The following XKR9 variants were observed in gnomAD, a reference collection of about 807,000 sequenced individuals.
The protein encoded by XKR9 is XK related 9.
In XKR9, 32 loss-of-function variants were observed where a neutral mutation model predicts 32.0. The observed-to-expected ratio is 1.00, with a 90% confidence interval of 0.76 to 1.34. The LOEUF is 1.34. Among genes scored for constraint, XKR9 ranks in the 40% most tolerant of loss-of-function variants. XKR9 has a pLI of 0.00. For missense variants in XKR9, 546 were observed against 429.7 expected, an observed-to-expected ratio of 1.27 and a Z score of -2.39; for synonymous variants, 168 against 143.4, an observed-to-expected ratio of 1.17 and a Z score of -1.22.
chr8:70,967,407 T>C, the XKR9 span, among the ~76,000 whole-genome samples: 4 of 152,228 alleles, frequency 2.6e-5, no homozygotes, highest in East Asian at 7.7e-4. Flanking sequence ...TTCTGTGTCT[T>C]TTAATTGTGG....
chr8:71,033,500 CAA>C, the XKR9 span, among the ~76,000 whole-genome samples: 1 of 152,078 alleles, frequency 6.6e-6, no homozygotes, highest in Non-Finnish European at 1.5e-5. Flanking sequence ...TTGTCCCCAT[CAA>C]AACTCATATT....
intron 3 of XKR9, among the ~76,000 whole-genome samples, chr8:70,699,410 TGTAAA>T (rs1429055935): frequency 6.6e-6 from 1 of 152,100 alleles, no homozygotes; most frequent in African/African-American, 2.4e-5. Flanking sequence ...TTTGCTTGTC[TGTAAA>T]GTATTTTATT....
chr8:70,816,566 G>T, the XKR9 span, among the ~76,000 whole-genome samples: 2 of 152,114 alleles, frequency 1.3e-5, no homozygotes, highest in Non-Finnish European at 2.9e-5. Flanking sequence ...ACATCACCAA[G>T]GCATGTAGTC....
chr8:70,889,274 A>G, the XKR9 span, among the ~76,000 whole-genome samples: 3 of 151,782 alleles, frequency 2.0e-5, no homozygotes, highest in South Asian at 6.2e-4. Context: ...GGCATATAGA[A>G]ATGCTACTGA....
the XKR9 span, among the ~76,000 whole-genome samples, chr8:70,835,113 G>C: frequency 3.3e-5 from 5 of 152,106 alleles, no homozygotes; most frequent in African/African-American, 9.7e-5. Flanking sequence ...ACCACAAGGA[G>C]GAGCTGTGGC....
chr8:70,978,431 TG>T, the XKR9 span, among the ~76,000 whole-genome samples: 1 of 152,208 alleles, frequency 6.6e-6, no homozygotes, highest in Non-Finnish European at 1.5e-5. Flanking sequence ...GCAGGCCTGG[TG>T]GTGACAAAAT....
At chr8:70,892,969 A>T in the XKR9 span, among the ~76,000 whole-genome samples, 4 of 152,110 alleles carry the variant, frequency 2.6e-5, no homozygotes, top group Admixed American at 1.3e-4. Flanking sequence ...GAACTCCCGT[A>T]ATACCAACAT....
At chr8:70,785,975 C>T (rs1586898371) in intron 2 of XKR9, among the ~76,000 whole-genome samples, 2 of 152,070 alleles carry the variant, frequency 1.3e-5, no homozygotes, top group Non-Finnish European at 2.9e-5. Flanking sequence ...AGGTGTGAGC[C>T]ACCATACCTG....
At chr8:70,691,013 T>C (rs550360334) in intron 3 of XKR9, among the ~76,000 whole-genome samples, 2 of 152,302 alleles carry the variant, frequency 1.3e-5, no homozygotes, top group South Asian at 4.1e-4. Context: ...GTTGAACTAA[T>C]TTACACTGAC....
the XKR9 span, among the ~76,000 whole-genome samples, chr8:70,956,183 G>A: frequency 2.6e-5 from 4 of 152,096 alleles, no homozygotes; most frequent in Non-Finnish European, 5.9e-5. Context: ...CTTCTCCCAC[G>A]TCCAGAAAGA....
At chr8:70,791,281 C>G (rs1425185350), downstream of XKR9, among the ~76,000 whole-genome samples, 1 of 151,008 alleles carries the variant, frequency 6.6e-6, no homozygotes, top group Non-Finnish European at 1.5e-5. Flanking sequence ...TCAAGACCAA[C>G]CTGAACAACA....
chr8:71,050,520 C>T, the XKR9 span, among the ~76,000 whole-genome samples: 35 of 151,726 alleles, frequency 2.3e-4, no homozygotes, highest in African/African-American at 7.3e-5. Context: ...GATATCTATC[C>T]GAATTAAGAC....
At chr8:71,043,172 C>T in the XKR9 span, among the ~76,000 whole-genome samples, 23 of 151,994 alleles carry the variant, frequency 1.5e-4, no homozygotes, top group African/African-American at 5.6e-4. Context: ...ATTCACTGTT[C>T]CCCCAGTGCC....
chr8:71,039,914 G>A, the XKR9 span, among the ~76,000 whole-genome samples: 1 of 152,114 alleles, frequency 6.6e-6, no homozygotes, highest in South Asian at 2.1e-4. Flanking sequence ...AAGACCACCA[G>A]GAGTGCTCTC....
intron 2 of XKR9, among the ~76,000 whole-genome samples, chr8:70,784,890 AT>A (rs879865952): frequency 0.011 from 1,639 of 144,358 alleles, 9 homozygotes; most frequent in East Asian, 0.033. Context: ...ATTTGGTGAG[AT>A]TTTTTTTTTT....
chr8:70,956,872 C>T, the XKR9 span, among the ~76,000 whole-genome samples: 1 of 152,076 alleles, frequency 6.6e-6, no homozygotes, highest in Non-Finnish European at 1.5e-5. Flanking sequence ...CTTCTAGGGC[C>T]CCTGAGAGCT....
the XKR9 span, among the ~76,000 whole-genome samples, chr8:70,957,339 G>C: frequency 6.6e-6 from 1 of 152,122 alleles, no homozygotes; most frequent in African/African-American, 2.4e-5. Context: ...CTACTAGAAA[G>C]AGCATGAACT....
the XKR9 span, among the ~76,000 whole-genome samples, chr8:70,805,670 C>T: frequency 6.6e-6 from 1 of 152,204 alleles, no homozygotes; most frequent in Admixed American, 6.5e-5. Flanking sequence ...CAGGCGTGAC[C>T]CTGACTCATC....
chr8:70,818,538 A>T, the XKR9 span, among the ~76,000 whole-genome samples: 3 of 152,180 alleles, frequency 2.0e-5, no homozygotes, highest in Non-Finnish European at 4.4e-5. Context: ...GCCTGACATT[A>T]TTTGTTAAAT....
Sources: gnomAD v4.1 joint callset for allele counts (sites outside exome capture counted in the v4.1 genomes callset) on GRCh38, gnomAD v4.1.1 for gene constraint, MANE v1.5 for transcripts, NCBI Gene and HGNC (gene_info 2026-07-23, HGNC 2026-07-21) for gene names.